The following YIPF4 variants were observed in gnomAD, a reference collection of about 807,000 sequenced individuals.
YIPF4 encodes Yip1 domain family member 4, also known as protein YIPF4.
Under a neutral mutation model 29.4 loss-of-function variants are expected in YIPF4, and 18 were observed. That is an observed-to-expected ratio of 0.61 (90% confidence interval 0.42 to 0.91). The LOEUF is 0.91. Among genes scored for constraint, YIPF4 ranks in the 40% least tolerant of loss-of-function variants. The probability of loss-of-function intolerance (pLI) is 0.00; values close to 1 mark genes in which losing one functional copy is unlikely to be tolerated. For synonymous variants in YIPF4, 115 were observed against 104.7 expected (o/e 1.10, Z -0.60); for missense variants, 279 against 282.7 (o/e 0.99, Z 0.09).
intron 1 of YIPF4, among the ~76,000 whole-genome samples, chr2:32,286,735 A>G (rs1165447462): frequency 1.3e-5 from 2 of 152,044 alleles, no homozygotes; most frequent in Admixed American, 6.6e-5. Flanking sequence ...TAGTAGAGAC[A>G]GGGTTTTACC....
rs2030180241 is a variant in YIPF4, at chr2:32,278,101, G to A, written c.-55G>A. The A allele has an allele frequency of 2.7e-6, 4 of 1,499,076 alleles. No homozygotes were observed. Among genetic ancestry groups the A allele is most frequent in the Non-Finnish European group, 3.6e-6 (4 of 1,112,766 alleles). The allele number at this position is 1,499,076 out of a possible 1,614,324, so 92.9% of individuals were successfully genotyped here. On this transcript the variant is annotated 5_prime_UTR_variant, in exon 1 of 6. Transcript: ENST00000238831. ...CGGGTCGCCGCCGCGGCCGCCTCGGGGTCTGGGCCCAGCCGCAGCCTCTTC... is the reference window on the plus strand; with the variant it reads ...CGGGTCGCCGCCGCGGCCGCCTCGGAGTCTGGGCCCAGCCGCAGCCTCTTC...
intron 3 of YIPF4, among the ~76,000 whole-genome samples, chr2:32,296,867 T>C (rs1256534412): frequency 6.6e-6 from 1 of 152,244 alleles, no homozygotes; most frequent in Non-Finnish European, 1.5e-5. Flanking sequence ...CAGTAATTAT[T>C]ACTATAATGT....
intron 5 of YIPF4, among the ~76,000 whole-genome samples, chr2:32,305,260 T>G (rs1171829021): frequency 6.6e-6 from 1 of 152,206 alleles, no homozygotes; most frequent in Non-Finnish European, 1.5e-5. Context: ...CCCCAAGTGA[T>G]TCTTATGATT....
At chr2:32,282,147 A>G (rs2148957329) in intron 1 of YIPF4, among the ~76,000 whole-genome samples, 1 of 152,192 alleles carries the variant, frequency 6.6e-6, no homozygotes, top group East Asian at 1.9e-4. Flanking sequence ...GAGCTAGTCT[A>G]CAGCCAGGTG....
chr2:32,285,809 C>T (rs1027155206), intron 1 of YIPF4, among the ~76,000 whole-genome samples: 1 of 152,064 alleles, frequency 6.6e-6, no homozygotes, highest in African/African-American at 2.4e-5. Context: ...GTGCTCGCCA[C>T]CGCACCCGGC....
At position 32,315,525 on chromosome 2, in the gene YIPF4, G is replaced by A. The variant is rs1184471899; in HGVS notation, c.*9899G>A. 6.6e-6 allele frequency: 1 copy of A among 152,192 alleles called. No individual in the cohort carries two copies. Among genetic ancestry groups the A allele is most frequent in the Non-Finnish European group, 1.5e-5 (1 of 68,220 alleles). The allele number at this position is 152,192 out of a possible 1,614,324, so 9.4% of individuals were successfully genotyped here. On this transcript the variant is annotated 3_prime_UTR_variant, in exon 6 of 6. Transcript: ENST00000238831. Reference sequence around the variant, plus strand: ...AGCACTTTGGGAGGCCGAGGCGGGCGGATCCTGAGGTCAGGAGATCGAGAC... The same window carrying A: ...AGCACTTTGGGAGGCCGAGGCGGGCAGATCCTGAGGTCAGGAGATCGAGAC...
chr2:32,307,053 T>C lies in YIPF4; in HGVS notation c.*1427T>C, dbSNP rs566208741. 4.1e-6 allele frequency: 5 copies of C among 1,205,682 alleles called. No individual in the cohort carries two copies. In the South Asian group the frequency reaches 7.0e-5, roughly 17 times the overall value. The allele number at this position is 1,205,682 out of a possible 1,614,324, so 74.7% of individuals were successfully genotyped here. A position where few individuals can be genotyped will look rare whatever the true frequency, so the allele number is the denominator to read the frequency against. ...GCTGCAGAAAAAGTGTGGAGCACTT[T>C]TGAGCTAGAATAATGTAGAAAATTA... is the stretch of plus-strand genomic sequence containing the variant. On this transcript the variant is annotated 3_prime_UTR_variant, in exon 6 of 6. Coordinates refer to ENST00000238831, the MANE Select transcript of YIPF4 (RefSeq NM_032312.4).
Position 32,315,979 on chromosome 2 carries a change from A to C in YIPF4, c.*10353A>C, listed in dbSNP as rs1051747899. 2.7e-5 allele frequency: 4 copies of C among 150,898 alleles called. No homozygotes were observed. The highest frequency in any genetic ancestry group is 5.9e-5 in the Non-Finnish European group (4 of 67,738). The allele number at this position is 150,898 out of a possible 1,614,324, so 9.3% of individuals were successfully genotyped here. ...GAGCATAGCTTGAGCCCAGGCGTTC[A>C]AGACCTGCCTGGGCAATATAGCGAG... is the stretch of plus-strand genomic sequence containing the variant. On this transcript the variant is annotated 3_prime_UTR_variant, in exon 6 of 6. Transcript: ENST00000238831.
At chr2:32,297,596 G>A (rs961905569) in intron 3 of YIPF4, among the ~76,000 whole-genome samples, 11 of 151,818 alleles carry the variant, frequency 7.2e-5, no homozygotes, top group African/African-American at 2.7e-4. Flanking sequence ...AGTGAGACCT[G>A]GTCTCTATTA....
chr2:32,289,782 C>T (rs890366685), intron 1 of YIPF4, among the ~76,000 whole-genome samples: 6 of 151,754 alleles, frequency 4.0e-5, no homozygotes, highest in Admixed American at 2.0e-4. Flanking sequence ...TTGTTAGAGC[C>T]GACCTAAAAA....
At position 32,307,949 on chromosome 2, in the gene YIPF4, A is replaced by G. The variant is rs939019562; in HGVS notation, c.*2323A>G. Reference sequence around the variant, plus strand: ...CTCTCAAAAAAAAAAAAAAAAAAAAAAAAAACCATGATTTGTAGATGTGTG... The same window carrying G: ...CTCTCAAAAAAAAAAAAAAAAAAAAGAAAAACCATGATTTGTAGATGTGTG... On this transcript the variant is annotated 3_prime_UTR_variant, in exon 6 of 6. Coordinates refer to ENST00000238831, the MANE Select transcript of YIPF4 (RefSeq NM_032312.4). 7.3e-5 allele frequency: 11 copies of G among 151,472 alleles called. No individual in the cohort carries two copies. Among genetic ancestry groups the G allele is most frequent in the African/African-American group, 2.7e-4 (11 of 41,242 alleles). 9.4% of individuals were successfully genotyped at this position (151,472 alleles called of 1,614,324 possible).
Position 32,278,102 on chromosome 2 carries a change from G to C in YIPF4, c.-54G>C. The C allele has an allele frequency of 6.6e-7, 1 of 1,506,322 alleles. No homozygotes were observed. The highest frequency in any genetic ancestry group is 8.9e-7 in the Non-Finnish European group (1 of 1,117,936). The allele number at this position is 1,506,322 out of a possible 1,614,324, so 93.3% of individuals were successfully genotyped here. A position where few individuals can be genotyped will look rare whatever the true frequency, so the allele number is the denominator to read the frequency against. On this transcript the variant is annotated 5_prime_UTR_variant, in exon 1 of 6. Transcript: ENST00000238831. ...GGGTCGCCGCCGCGGCCGCCTCGGG[G>C]TCTGGGCCCAGCCGCAGCCTCTTCT...
rs2031718660 is a variant in YIPF4, at chr2:32,311,703, A to G, written c.*6077A>G. The G allele has an allele frequency of 2.0e-5, 3 of 152,354 alleles. No homozygotes were observed. In the South Asian group the frequency reaches 6.2e-4, roughly 32 times the overall value. The allele number at this position is 152,354 out of a possible 1,614,324, so 9.4% of individuals were successfully genotyped here. On this transcript the variant is annotated 3_prime_UTR_variant, in exon 6 of 6. Coordinates refer to ENST00000238831, the MANE Select transcript of YIPF4 (RefSeq NM_032312.4). ...GTAATAATTTTGTTAACACTAGACT[A>G]TCAGTAAATTATCAAGAATAAAAAC...
Position 32,278,081 on chromosome 2 carries a change from C to A in YIPF4, c.-75C>A. The A allele has an allele frequency of 2.2e-6, 3 of 1,346,444 alleles. No homozygotes were observed. The highest frequency in any genetic ancestry group is 1.4e-5 in the South Asian group (1 of 72,650). 83.4% of individuals were successfully genotyped at this position (1,346,444 alleles called of 1,614,324 possible). On this transcript the variant is annotated 5_prime_UTR_variant, in exon 1 of 6. Transcript: ENST00000238831. ...CGCACCGTAGGGCGAGCGTGCGGGT[C>A]GCCGCCGCGGCCGCCTCGGGGTCTG...
chr2:32,286,858 C>T (rs752761923), intron 1 of YIPF4, among the ~76,000 whole-genome samples: 4 of 152,182 alleles, frequency 2.6e-5, no homozygotes, highest in Non-Finnish European at 4.4e-5. Context: ...TACAGAGTAA[C>T]GTGATCAAGC....
chr2:32,293,836 C>T (rs1481093766), intron 3 of YIPF4, among the ~76,000 whole-genome samples: 20 of 146,866 alleles, frequency 1.4e-4, no homozygotes, highest in African/African-American at 4.5e-4. Context: ...GCTGGCCAGG[C>T]GGGGGGCTGA....
intron 1 of YIPF4, among the ~76,000 whole-genome samples, chr2:32,285,567 C>T (rs565847769): frequency 7.9e-5 from 12 of 151,974 alleles, no homozygotes; most frequent in Admixed American, 7.9e-4. Flanking sequence ...CCATTTCAGC[C>T]TATTCTTTGT....
intron 1 of YIPF4, among the ~76,000 whole-genome samples, chr2:32,279,790 T>G (rs1311365274): frequency 2.6e-5 from 4 of 152,056 alleles, no homozygotes; most frequent in Non-Finnish European, 5.9e-5. Context: ...GTTGTGCTGT[T>G]TGGCATTGTT....
intron 3 of YIPF4, among the ~76,000 whole-genome samples, chr2:32,294,122 AC>A (rs1332505785): frequency 1.2e-3 from 140 of 115,840 alleles, no homozygotes; most frequent in African/African-American, 3.2e-3. Context: ...CGGGACGCTG[AC>A]CCCCCCACTT....
Sources: allele counts gnomAD v4.1 joint callset (sites outside exome capture counted in the v4.1 genomes callset), GRCh38; gene constraint gnomAD v4.1.1; transcripts MANE v1.5; gene names NCBI Gene and HGNC (gene_info 2026-07-23, HGNC 2026-07-21).